ATP6V1E2: variants seen among roughly 807,000 people sequenced by gnomAD.
The protein encoded by ATP6V1E2 is V-type proton ATPase subunit E 2.
For synonymous variants in ATP6V1E2, 121 were observed against 104.2 expected (o/e 1.16, Z -0.98); for missense variants, 308 against 273.3 (o/e 1.13, Z -0.90).
rs113061919 is a variant in ATP6V1E2 at position 46,540,740 on chromosome 2, C to A, written c.-310+650G>T. Among the ~76,000 whole-genome samples the A allele has an allele frequency of 3.1e-3, 470 of 150,508 alleles. 1 individual carries two copies. Among genetic ancestry groups the A allele is most frequent in the Middle Eastern group, 0.017 (5 of 288 alleles). Reference sequence around the variant, plus strand: ...AGGCATTCATGGGCTGACAGGGGGGCATTCTGGATAGCCCCCCTCCCCATC... The same window carrying A: ...AGGCATTCATGGGCTGACAGGGGGGAATTCTGGATAGCCCCCCTCCCCATC... On this transcript the variant is annotated intron_variant, in intron 2 of 4. Coordinates refer to ENST00000522587, the MANE Select transcript of ATP6V1E2 (RefSeq NM_001318063.2).
chr2:46,535,278 G>T lies in ATP6V1E2; in HGVS notation c.-102+535C>A, dbSNP rs988143438. 1.3e-5 allele frequency: 2 copies of T among 152,114 alleles called. No homozygotes were observed. The highest frequency in any genetic ancestry group is 2.9e-5 in the Non-Finnish European group (2 of 68,024). The allele number at this position is 152,114 out of a possible 1,614,324, so 9.4% of individuals were successfully genotyped here. A position where few individuals can be genotyped will look rare whatever the true frequency, so the allele number is the denominator to read the frequency against. The stretch of plus-strand genomic sequence containing the variant: ...GGTACAGCCAATACCAGTTATTTGG[G>T]TATGGTAGAGGTGGAAATCTCTACT... On this transcript the variant is annotated intron_variant, in intron 4 of 4. Transcript: ENST00000522587. This position sits in a 1 kb window ranked among gnomAD's most constrained non-coding sequence, Gnocchi z 4.4.
chr2:46,526,414 C>A (rs953497437), intron 4 of ATP6V1E2, among the ~76,000 whole-genome samples: 1 of 152,176 alleles, frequency 6.6e-6, no homozygotes, highest in Non-Finnish European at 1.5e-5. Flanking sequence ...CCACACCCTG[C>A]CTTTTTAAGT....
intron 4 of ATP6V1E2, among the ~76,000 whole-genome samples, chr2:46,520,473 A>G (rs1167928519): frequency 1.3e-5 from 2 of 152,218 alleles, no homozygotes; most frequent in Non-Finnish European, 2.9e-5. Flanking sequence ...GGGCCCTCCA[A>G]GCCAGACTCG....
intron 4 of ATP6V1E2, among the ~76,000 whole-genome samples, chr2:46,529,304 A>T (rs189431032): frequency 6.6e-6 from 1 of 152,338 alleles, no homozygotes; most frequent in African/African-American, 2.4e-5. Context: ...AATGCAGGGA[A>T]GGTACTGGTT....
intron 4 of ATP6V1E2, among the ~76,000 whole-genome samples, chr2:46,518,475 TAC>T (rs1176291250): frequency 7.6e-5 from 8 of 105,714 alleles, no homozygotes; most frequent in African/African-American, 3.0e-4. Flanking sequence ...AAACATTTGT[TAC>T]ACACACACAC....
At chr2:46,538,246 C>T (rs1401550681) in intron 2 of ATP6V1E2, among the ~76,000 whole-genome samples, 2 of 152,184 alleles carry the variant, frequency 1.3e-5, no homozygotes, top group Non-Finnish European at 2.9e-5. Flanking sequence ...TCAGAGTGAC[C>T]TTCCCAAATG....
rs753054889 is a variant in ATP6V1E2, at chr2:46,512,520, T to C, written c.192A>G (p.Ile64Met). 1.2e-6 allele frequency: 2 copies of C among 1,614,218 alleles called. No homozygotes were observed. The highest frequency in any genetic ancestry group is 1.7e-6 in the Non-Finnish European group (2 of 1,180,048). The change falls in exon 5 of 5, where the codon ATA becomes ATG. Residue 64 changes from isoleucine (I) to methionine (M), a missense_variant. Transcript: ENST00000522587. ...MEYYEKKEKQ[I>M]EQQKKILMST... ...ACATCAGGATTTTCTTCTGCTGCTC[T>C]ATCTGCTTCTCCTTTTTCTCATAAT...
At chr2:46,539,115 A>T (rs1199318149) in intron 2 of ATP6V1E2, among the ~76,000 whole-genome samples, 2 of 152,248 alleles carry the variant, frequency 1.3e-5, no homozygotes, top group East Asian at 3.8e-4. Context: ...TTATAAAAAC[A>T]TTTAGCAGAA....
intron 4 of ATP6V1E2, among the ~76,000 whole-genome samples, chr2:46,525,774 G>T (rs1022573562): frequency 4.6e-5 from 7 of 151,972 alleles, no homozygotes; most frequent in Non-Finnish European, 8.8e-5. Flanking sequence ...TTTACATGAA[G>T]AATTCACAAC....
intron 4 of ATP6V1E2, among the ~76,000 whole-genome samples, chr2:46,517,164 G>A (rs1288396560): frequency 6.6e-6 from 1 of 152,110 alleles, no homozygotes; most frequent in African/African-American, 2.4e-5. Context: ...AGAATGAAGA[G>A]CCCAGAAATA....
At chr2:46,524,117 G>A (rs1277876483) in intron 4 of ATP6V1E2, among the ~76,000 whole-genome samples, 8 of 151,102 alleles carry the variant, frequency 5.3e-5, no homozygotes, top group East Asian at 3.9e-4. Flanking sequence ...TTATCAATTC[G>A]ACAAGTTTTT....
intron 4 of ATP6V1E2, among the ~76,000 whole-genome samples, chr2:46,526,260 C>T (rs988897036): frequency 9.2e-5 from 14 of 151,916 alleles, no homozygotes; most frequent in African/African-American, 3.1e-4. Flanking sequence ...GGACTACAGG[C>T]GTGCATCACC....
intron 4 of ATP6V1E2, among the ~76,000 whole-genome samples, chr2:46,529,521 A>T (rs1667081208): frequency 6.6e-6 from 1 of 152,204 alleles, no homozygotes; most frequent in East Asian, 1.9e-4. Context: ...TTGGAAGGCC[A>T]AGGCAGGAGG....
At chr2:46,532,934 T>A (rs1178275725) in intron 4 of ATP6V1E2, among the ~76,000 whole-genome samples, 1 of 152,170 alleles carries the variant, frequency 6.6e-6, no homozygotes, top group Non-Finnish European at 1.5e-5. Context: ...AAGGATTTTA[T>A]AAGAATATAG....
At chr2:46,537,768 T>C (rs1667522686) in intron 2 of ATP6V1E2, among the ~76,000 whole-genome samples, 1 of 152,110 alleles carries the variant, frequency 6.6e-6, no homozygotes, top group Admixed American at 6.5e-5. Flanking sequence ...TTGGAGTCCA[T>C]TTTTCCATTT....
chr2:46,525,770 T>G (rs1009484556), intron 4 of ATP6V1E2, among the ~76,000 whole-genome samples: 3 of 152,288 alleles, frequency 2.0e-5, no homozygotes, highest in Middle Eastern at 3.4e-3. Flanking sequence ...ATAATTTACA[T>G]GAAGAATTCA....
chr2:46,513,677 T>G (rs1019535102), intron 4 of ATP6V1E2, among the ~76,000 whole-genome samples: 1 of 151,676 alleles, frequency 6.6e-6, no homozygotes, highest in Admixed American at 6.6e-5. Flanking sequence ...ACAAAAAAAT[T>G]AGCCAGGCTT....
chr2:46,525,899 CA>C (rs71394899), intron 4 of ATP6V1E2, among the ~76,000 whole-genome samples: 630 of 127,656 alleles, frequency 4.9e-3, no homozygotes, highest in African/African-American at 5.3e-3. Context: ...GCAGTTTCTC[CA>C]AAAAAAAAAA....
chr2:46,531,351 C>G (rs1667172359), intron 4 of ATP6V1E2, among the ~76,000 whole-genome samples: 1 of 152,230 alleles, frequency 6.6e-6, no homozygotes, highest in African/African-American at 2.4e-5. Flanking sequence ...ATTGTAGCAG[C>G]TGTCAGTACT....
Sources: gnomAD v4.1 joint callset for allele counts (sites outside exome capture counted in the v4.1 genomes callset) on GRCh38, gnomAD v4.1.1 for gene constraint, Gnocchi (gnomAD v3.1) non-coding constraint, MANE v1.5 for transcripts, NCBI Gene and HGNC (gene_info 2026-07-23, HGNC 2026-07-21) for gene names.